FGF12: variants seen among roughly 807,000 people sequenced by gnomAD.
The protein encoded by FGF12 is fibroblast growth factor 12B.
Under a neutral mutation model 23.6 loss-of-function variants are expected in FGF12, and 14 were observed. That is an observed-to-expected ratio of 0.59 (90% CI 0.39 to 0.93). The LOEUF (loss-of-function observed/expected upper bound fraction) is 0.93, where lower values mean the gene tolerates loss of function less well. FGF12 is among the 40% of genes least tolerant of loss of function. FGF12 has a pLI of 0.00. For synonymous variants in FGF12, 62 were observed against 77.3 expected (o/e 0.80, Z 1.04); for missense variants, 175 against 217.8 (o/e 0.80, Z 1.24).
intron 2 of FGF12, among the ~76,000 whole-genome samples, chr3:192,638,018 G>T (rs1715647763): frequency 6.6e-6 from 1 of 152,174 alleles, no homozygotes; most frequent in South Asian, 2.1e-4. Flanking sequence ...TAACATGCTG[G>T]CTGGCTTTCA....
intron 4 of FGF12, among the ~76,000 whole-genome samples, chr3:192,172,118 G>A (rs2108621173): frequency 6.6e-6 from 1 of 152,232 alleles, no homozygotes; most frequent in South Asian, 2.1e-4. Flanking sequence ...CTGGGGTGTG[G>A]TAGCTTACCT....
intron 2 of FGF12, among the ~76,000 whole-genome samples, chr3:192,620,181 T>C (rs182150708): frequency 3.9e-5 from 6 of 152,258 alleles, no homozygotes; most frequent in African/African-American, 1.2e-4. Context: ...AAATACATTC[T>C]GGCCCTGAAT....
At chr3:192,274,927 T>C (rs1053714084) in intron 4 of FGF12, among the ~76,000 whole-genome samples, 4 of 152,144 alleles carry the variant, frequency 2.6e-5, no homozygotes, top group African/African-American at 7.2e-5. Context: ...TTTAAGAACC[T>C]AGGACAGGTC....
At chr3:192,657,765 C>T (rs1370432423) in intron 2 of FGF12, among the ~76,000 whole-genome samples, 3 of 152,138 alleles carry the variant, frequency 2.0e-5, no homozygotes, top group Non-Finnish European at 4.4e-5. Flanking sequence ...AACACTTAAA[C>T]CCAAATTTAT....
chr3:192,530,317 C>G (rs1725055252), intron 2 of FGF12, among the ~76,000 whole-genome samples: 1 of 152,192 alleles, frequency 6.6e-6, no homozygotes, highest in Middle Eastern at 3.4e-3. Flanking sequence ...AGTGAGTATT[C>G]ATACTTCCTT....
At chr3:192,411,758 T>C (rs1721207019) in intron 2 of FGF12, among the ~76,000 whole-genome samples, 1 of 152,112 alleles carries the variant, frequency 6.6e-6, no homozygotes, top group Admixed American at 6.6e-5. Context: ...CAGACAAAGG[T>C]CAGCTAAGGG....
Position 192,305,679 on chromosome 3 carries a change from A to AAATATATAT in FGF12, c.228+29681_228+29682insATATATATT, listed in dbSNP as rs1423738741. Among the ~76,000 whole-genome samples the AAATATATAT allele has an allele frequency of 1.3e-3, 177 of 131,912 alleles. 1 individual carries two copies. Among genetic ancestry groups the AAATATATAT allele is most frequent in the South Asian group, 7.3e-3 (28 of 3,820 alleles). The allele number at this position is 131,912 out of a possible 152,430, so 86.5% of individuals were successfully genotyped here. ...AAGGTGGCTTAGGAAAAAAAAAAAAAATATATATATATATATAAATATATA... is the reference window on the plus strand; with the variant it reads ...AAGGTGGCTTAGGAAAAAAAAAAAAAAATATATATATATATATATATATATAAATATATA... On this transcript the variant is annotated intron_variant, in intron 4 of 5. Transcript: ENST00000445105.
chr3:192,531,744 C>T (rs1725094282), intron 2 of FGF12, among the ~76,000 whole-genome samples: 1 of 152,064 alleles, frequency 6.6e-6, no homozygotes, highest in Non-Finnish European at 1.5e-5. Context: ...AAATCAACCC[C>T]CTCCTTTAAT....
rs117064456 is a variant in FGF12, at chr3:192,257,147, C to A, written c.228+78214G>T. ...TATTAAACCAGTACCATTATTGCTA[C>A]ATGCCTTTTCTAATTTTCCCACATT... is the stretch of plus-strand genomic sequence containing the variant. On this transcript the variant is annotated intron_variant, in intron 4 of 5. Coordinates refer to ENST00000445105, the MANE Select transcript of FGF12 (RefSeq NM_004113.6). Among the ~76,000 whole-genome samples the A allele has an allele frequency of 3.2e-4, 48 of 152,282 alleles. 2 individuals carry two copies. In the East Asian group the frequency reaches 9.1e-3, roughly 29 times the overall value.
chr3:192,274,226 A>G (rs1713634880), intron 4 of FGF12, among the ~76,000 whole-genome samples: 1 of 152,228 alleles, frequency 6.6e-6, no homozygotes, highest in African/African-American at 2.4e-5. Context: ...CTATCAAGGT[A>G]GAGCAGAGTA....
At chr3:192,239,265 T>C (rs1014916291) in intron 4 of FGF12, among the ~76,000 whole-genome samples, 5 of 152,088 alleles carry the variant, frequency 3.3e-5, no homozygotes, top group African/African-American at 9.7e-5. Context: ...AATAGAAAAA[T>C]CCATGGAAAC....
At chr3:192,650,608 A>G (rs958181575) in intron 2 of FGF12, among the ~76,000 whole-genome samples, 1 of 152,156 alleles carries the variant, frequency 6.6e-6, no homozygotes, top group Non-Finnish European at 1.5e-5. Context: ...TCTGTCTATA[A>G]GTTTCTTCCA....
chr3:192,274,587 AG>A (rs952238830), intron 4 of FGF12, among the ~76,000 whole-genome samples: 14 of 134,390 alleles, frequency 1.0e-4, no homozygotes, highest in African/African-American at 3.7e-4. Flanking sequence ...GAGAGAGAAG[AG>A]GGGAAAGAGA....
At chr3:192,394,238 C>T (rs942768527) in intron 2 of FGF12, among the ~76,000 whole-genome samples, 1 of 152,106 alleles carries the variant, frequency 6.6e-6, no homozygotes, top group South Asian at 2.1e-4. Context: ...GGGCTGAGGT[C>T]CAAACTTATG....
intron 4 of FGF12, among the ~76,000 whole-genome samples, chr3:192,211,504 C>T (rs1717928404): frequency 7.3e-6 from 1 of 136,088 alleles, no homozygotes; most frequent in South Asian, 2.3e-4. Flanking sequence ...CGGCTCACTG[C>T]AAGCTCCGCC....
chr3:192,342,481 A>G (rs1242604186), intron 3 of FGF12, among the ~76,000 whole-genome samples: 2 of 152,094 alleles, frequency 1.3e-5, no homozygotes, highest in Non-Finnish European at 2.9e-5. Context: ...GATATTAAAC[A>G]TCTTGTCAGC....
chr3:192,577,565 A>G lies in FGF12; in HGVS notation c.13+149616T>C, dbSNP rs1481019987. 5.3e-5 allele frequency among the ~76,000 whole-genome samples: 8 copies of G among 152,258 alleles called. 1 individual carries two copies. The highest frequency in any genetic ancestry group is 5.2e-4 in the Admixed American group (8 of 15,292). On this transcript the variant is annotated intron_variant, in intron 2 of 5. Transcript: ENST00000445105. Reference sequence around the variant, plus strand: ...AACAGACTTAGAAAAAAGCTGGGACAGAGAACAAAGGAAGAGGAAACTCTG... The same window carrying G: ...AACAGACTTAGAAAAAAGCTGGGACGGAGAACAAAGGAAGAGGAAACTCTG...
chr3:192,409,875 C>T lies in FGF12; in HGVS notation c.14-49337G>A, dbSNP rs1463767362. On this transcript the variant is annotated intron_variant, in intron 2 of 5. Transcript: ENST00000445105. This position sits in a 1 kb window ranked among gnomAD's most constrained non-coding sequence, Gnocchi z 4.8. ...GCCCAACTTGCTGCGCGGGTGGCCG[C>T]TCAGAGCCGCGGGCTTGCGGGGCGC... Among the ~76,000 whole-genome samples, 1 of 151,750 alleles carries T rather than the reference C, an allele frequency of 6.6e-6. No individual in the cohort carries two copies. Among genetic ancestry groups the T allele is most frequent in the Admixed American group, 6.6e-5 (1 of 15,242 alleles).
Position 192,683,984 on chromosome 3 carries a change from C to T in FGF12, c.13+43197G>A, listed in dbSNP as rs188396139. Among the ~76,000 whole-genome samples the T allele has an allele frequency of 5.1e-4, 77 of 152,306 alleles. 1 individual carries two copies. The highest frequency in any genetic ancestry group is 1.8e-3 in the African/African-American group (76 of 41,568). ...GAAAGGTCAACTTAAGTTCCAGAGT[C>T]GTTCTCATCCTGTATGATGCTGTAA... On this transcript the variant is annotated intron_variant, in intron 2 of 5. Transcript: ENST00000445105.
Sources: gnomAD v4.1 joint callset for allele counts (sites outside exome capture counted in the v4.1 genomes callset) on GRCh38, gnomAD v4.1.1 for gene constraint, Gnocchi (gnomAD v3.1) non-coding constraint, MANE v1.5 for transcripts, NCBI Gene and HGNC (gene_info 2026-07-23, HGNC 2026-07-21) for gene names.